Variants in SUMF1 observed in about 807,000 individuals in gnomAD.
SUMF1 encodes formylglycine-generating enzyme.
A neutral mutation model predicts 47.6 loss-of-function variants in SUMF1; 48 were observed. That is an observed-to-expected ratio of 1.01 (90% CI 0.80 to 1.28). SUMF1 has a LOEUF of 1.28. Ranked by LOEUF, SUMF1 falls within the 50% of genes most tolerant of loss-of-function variation. The probability of loss-of-function intolerance (pLI) is 0.00; values close to 1 mark genes in which losing one functional copy is unlikely to be tolerated. For synonymous variants in SUMF1, 230 were observed against 192.1 expected (o/e 1.20, Z -1.63); for missense variants, 571 against 485.4 (o/e 1.18, Z -1.66).
chr3:4,343,981 C>T (rs1699322542), intron 8 of SUMF1, among the ~76,000 whole-genome samples: 2 of 152,170 alleles, frequency 1.3e-5, no homozygotes, highest in Admixed American at 1.3e-4. Flanking sequence ...ATAGAACTTT[C>T]ACAAGATATA....
chr3:4,229,453 G>A, intron 8 of SUMF1: 1 of 239,574 alleles, frequency 4.2e-6, no homozygotes, highest in South Asian at 4.6e-5. Context: ...TTACTAACCA[G>A]GTAATTTGAG....
At chr3:4,203,234 C>G (rs777056334) in intron 8 of SUMF1, among the ~76,000 whole-genome samples, 1 of 151,956 alleles carries the variant, frequency 6.6e-6, no homozygotes, top group Non-Finnish European at 1.5e-5. Flanking sequence ...TTCTCTTTAG[C>G]TCTAATAATA....
chr3:4,221,859 T>C (rs1474403837), intron 8 of SUMF1, among the ~76,000 whole-genome samples: 1 of 152,244 alleles, frequency 6.6e-6, no homozygotes, highest in Admixed American at 6.6e-5. Context: ...GGGATGTATA[T>C]ATACTCAAAT....
At chr3:4,151,399 G>T (rs866342173) in intron 8 of SUMF1, among the ~76,000 whole-genome samples, 1 of 103,932 alleles carries the variant, frequency 9.6e-6, no homozygotes, top group African/African-American at 3.7e-5. Context: ...GTATATATAT[G>T]TATATGTATA....
At chr3:4,353,311 G>A (rs1268991277) in intron 8 of SUMF1, among the ~76,000 whole-genome samples, 1 of 151,996 alleles carries the variant, frequency 6.6e-6, no homozygotes, top group Non-Finnish European at 1.5e-5. Flanking sequence ...GGAGTACAGT[G>A]GCGTGATCTC....
intron 8 of SUMF1, among the ~76,000 whole-genome samples, chr3:4,367,473 T>G (rs992749973): frequency 4.6e-5 from 7 of 151,924 alleles, no homozygotes; most frequent in African/African-American, 1.7e-4. Flanking sequence ...TTCACAGAAT[T>G]GGAAAAAACT....
chr3:4,160,589 A>G (rs1653654209), intron 8 of SUMF1, among the ~76,000 whole-genome samples: 1 of 151,926 alleles, frequency 6.6e-6, no homozygotes, highest in Non-Finnish European at 1.5e-5. Flanking sequence ...CTGTTTGATC[A>G]CTTCTGCTAT....
intron 8 of SUMF1, among the ~76,000 whole-genome samples, chr3:4,077,190 G>C (rs1433339724): frequency 2.6e-5 from 4 of 152,072 alleles, no homozygotes; most frequent in Admixed American, 1.3e-4. Context: ...AAACAGGAAT[G>C]CTTTTACACT....
chr3:4,111,021 CAA>C (rs11306404), intron 8 of SUMF1, among the ~76,000 whole-genome samples: 47 of 134,758 alleles, frequency 3.5e-4, no homozygotes, highest in African/African-American at 8.3e-4. Flanking sequence ...ACAATCATAG[CAA>C]AAAAAAAAAG....
intron 8 of SUMF1, among the ~76,000 whole-genome samples, chr3:4,128,415 T>C (rs756805650): frequency 2.0e-5 from 3 of 152,104 alleles, no homozygotes; most frequent in Non-Finnish European, 2.9e-5. Context: ...AGCTTCCCTA[T>C]CCCCAGTAGT....
intron 8 of SUMF1, chr3:4,313,327 A>G: frequency 1.2e-6 from 2 of 1,614,076 alleles, no homozygotes; most frequent in Non-Finnish European, 1.7e-6. Context: ...CATTATAGCC[A>G]TCAGGGAACA....
intron 8 of SUMF1, among the ~76,000 whole-genome samples, chr3:4,079,069 G>A (rs536498934): frequency 6.6e-6 from 1 of 152,152 alleles, no homozygotes; most frequent in African/African-American, 2.4e-5. Context: ...CCTCAGAGCA[G>A]TTCTGCGTGA....
intron 8 of SUMF1, among the ~76,000 whole-genome samples, chr3:4,227,963 A>C (rs903653108): frequency 6.6e-6 from 1 of 152,094 alleles, no homozygotes; most frequent in South Asian, 2.1e-4. Context: ...GTTAAGACCT[A>C]AAGAATGAGT....
chr3:4,391,018 T>G (rs1700844958), intron 7 of SUMF1, among the ~76,000 whole-genome samples: 1 of 152,232 alleles, frequency 6.6e-6, no homozygotes, highest in African/African-American at 2.4e-5. Context: ...TTTGAAGGAT[T>G]GTTCTCCTGG....
chr3:4,223,027 G>A (rs1028607431), intron 8 of SUMF1, among the ~76,000 whole-genome samples: 7 of 151,994 alleles, frequency 4.6e-5, no homozygotes, highest in Admixed American at 6.6e-5. Context: ...AAACTTCCAC[G>A]TTTTTCTCTG....
chr3:4,056,892 C>T (rs1307588410), intron 9 of SUMF1, among the ~76,000 whole-genome samples: 2 of 151,988 alleles, frequency 1.3e-5, no homozygotes, highest in African/African-American at 4.8e-5. Flanking sequence ...CAGGTGCCTG[C>T]CACCACGCCC....
At chr3:4,339,050 G>A (rs1699214771) in intron 8 of SUMF1, among the ~76,000 whole-genome samples, 1 of 152,034 alleles carries the variant, frequency 6.6e-6, no homozygotes, top group African/African-American at 2.4e-5. Flanking sequence ...CTTTATTTGG[G>A]GACCTTAATA....
chr3:4,204,552 C>A (rs1480907068), intron 8 of SUMF1, among the ~76,000 whole-genome samples: 1 of 152,112 alleles, frequency 6.6e-6, no homozygotes, highest in Non-Finnish European at 1.5e-5. Flanking sequence ...GTTATTATCT[C>A]TTTGAATAAA....
intron 8 of SUMF1, among the ~76,000 whole-genome samples, chr3:4,341,677 G>T (rs531781125): frequency 6.6e-6 from 1 of 152,020 alleles, no homozygotes; most frequent in Non-Finnish European, 1.5e-5. Context: ...ATTGAACAAA[G>T]ATCAAATGGA....
Sources: allele counts gnomAD v4.1 joint callset (sites outside exome capture counted in the v4.1 genomes callset), GRCh38; gene constraint gnomAD v4.1.1; transcripts MANE v1.5; gene names NCBI Gene and HGNC (gene_info 2026-07-23, HGNC 2026-07-21).